The following ARHGEF9 variants were observed in gnomAD, a reference collection of about 807,000 sequenced individuals.
ARHGEF9 encodes the protein rho guanine nucleotide exchange factor 9.
Under a neutral mutation model 41.3 loss-of-function variants are expected in ARHGEF9, and 2 were observed. The observed-to-expected ratio is 0.05, with a 90% CI of 0.02 to 0.15. The LOEUF (loss-of-function observed/expected upper bound fraction) is 0.15. Ranked by LOEUF, ARHGEF9 falls within the 10% of genes least tolerant of loss-of-function variation. The pLI, the probability that ARHGEF9 is intolerant of heterozygous loss-of-function variation, is 1.00. For missense variants in ARHGEF9, 225 were observed against 424.7 expected (o/e 0.53, Z 4.13); for synonymous variants, 160 against 154.4 (o/e 1.04, Z -0.27).
At chrX:63,747,306 T>G (rs1331499958) in intron 1 of ARHGEF9, among the ~76,000 whole-genome samples, 1 of 111,927 alleles carries the variant, frequency 8.9e-6, no homozygotes, top group African/African-American at 3.3e-5. Flanking sequence ...GAACTGACTT[T>G]TTTTTTATTC....
At chrX:63,644,323 A>G (rs2047849858) in intron 8 of ARHGEF9, 1 of 205,568 alleles carries the variant, frequency 4.9e-6, no homozygotes, top group Non-Finnish European at 8.8e-6. Flanking sequence ...GAGTCTGTTA[A>G]TGGAGAATCG....
intron 2 of ARHGEF9, chrX:63,712,950 C>T (rs1483375483): frequency 9.0e-6 from 1 of 111,401 alleles, no homozygotes; most frequent in African/African-American, 3.3e-5. Context: ...GCCCTTGGTA[C>T]AACCTCTTCA....
intron 2 of ARHGEF9, 119 bp from the exon 3 acceptor site, chrX:63,706,568 C>A: frequency 1.1e-6 from 1 of 872,905 alleles, no homozygotes; most frequent in Non-Finnish European, 1.6e-6. Flanking sequence ...CAACCAGAGA[C>A]CTGTGCAAGT....
chrX:63,642,095 T>TAG (rs1340477314), intron 9 of ARHGEF9: 1 of 110,821 alleles, frequency 9.0e-6, no homozygotes, highest in Non-Finnish European at 1.9e-5. Context: ...TATAAACTCA[T>TAG]ATATATATAT....
At chrX:63,782,099 G>C (rs1213095437) in intron 1 of ARHGEF9, among the ~76,000 whole-genome samples, 1 of 111,042 alleles carries the variant, frequency 9.0e-6, no homozygotes, top group Admixed American at 9.6e-5. Context: ...CTGACATAGT[G>C]TATATTCATT....
intron 8 of ARHGEF9, among the ~76,000 whole-genome samples, chrX:63,644,990 G>C (rs1287428819): frequency 1.8e-5 from 2 of 109,140 alleles, no homozygotes; most frequent in Non-Finnish European, 3.8e-5. Flanking sequence ...TACCAGGCTG[G>C]TGTTGAATTC....
chrX:63,707,597 C>A (rs1357703868), intron 2 of ARHGEF9, among the ~76,000 whole-genome samples: 2 of 110,889 alleles, frequency 1.8e-5, no homozygotes, highest in African/African-American at 6.6e-5. Context: ...CCAGTTGTCT[C>A]AACAGGTTTA....
chrX:63,669,548 T>C (rs1602319343), intron 6 of ARHGEF9, among the ~76,000 whole-genome samples: 1 of 111,477 alleles, frequency 9.0e-6, no homozygotes, highest in African/African-American at 3.3e-5. Context: ...CTTCATTTGC[T>C]CCCACTCTCT....
chrX:63,651,404 G>A (rs782744506), intron 8 of ARHGEF9, among the ~76,000 whole-genome samples: 5 of 110,835 alleles, frequency 4.5e-5, no homozygotes, highest in Non-Finnish European at 9.5e-5. Context: ...AGAATAGAAA[G>A]TTTAAAAACA....
intron 1 of ARHGEF9, among the ~76,000 whole-genome samples, chrX:63,749,499 G>A (rs2055481878): frequency 9.0e-6 from 1 of 111,509 alleles, no homozygotes; most frequent in Non-Finnish European, 1.9e-5. Context: ...CCAAAGTGCT[G>A]GGATTACAGG....
At chrX:63,735,542 G>A (rs1284913730) in intron 1 of ARHGEF9, among the ~76,000 whole-genome samples, 1 of 111,754 alleles carries the variant, frequency 8.9e-6, no homozygotes, top group Non-Finnish European at 1.9e-5. Context: ...TGAAGGTAGC[G>A]GGAGGAGCAG....
intron 4 of ARHGEF9, among the ~76,000 whole-genome samples, chrX:63,694,551 C>T (rs1358336771): frequency 8.9e-6 from 1 of 112,115 alleles, no homozygotes; most frequent in African/African-American, 3.2e-5. Flanking sequence ...TATGCAACAG[C>T]ATGGATGGAT....
chrX:63,650,348 TA>T (rs1228857477), intron 8 of ARHGEF9, among the ~76,000 whole-genome samples: 9 of 111,293 alleles, frequency 8.1e-5, no homozygotes, highest in Non-Finnish European at 1.5e-4. Context: ...TATTCAGCCA[TA>T]AAAAAATGAA....
Position 63,643,799 on chromosome X carries a change from T to G in ARHGEF9, c.1390+181A>C, listed in dbSNP as rs192508097. 3.6e-5 allele frequency among the ~76,000 whole-genome samples: 4 copies of G among 111,245 alleles called. No homozygotes were observed. The Admixed American group carries it at 3.8e-4, about 11-fold the overall frequency. Reference sequence around the variant, plus strand: ...CTTTGGATACCAATACCCTATACTATTCACTCCTTAGCCTTAAGCATTTAA... The same window carrying G: ...CTTTGGATACCAATACCCTATACTAGTCACTCCTTAGCCTTAAGCATTTAA... On this transcript the variant is annotated intron_variant, in intron 9 of 9. Coordinates refer to ENST00000671741, the MANE Select transcript of ARHGEF9 (RefSeq NM_001353921.2).
At chrX:63,759,171 T>C (rs1556448572) in intron 1 of ARHGEF9, among the ~76,000 whole-genome samples, 1 of 111,518 alleles carries the variant, frequency 9.0e-6, no homozygotes, top group East Asian at 2.8e-4. Context: ...AAAGTACTTT[T>C]GAGAGATTTC....
chrX:63,717,716 T>C (rs1476374378), intron 2 of ARHGEF9, among the ~76,000 whole-genome samples: 1 of 112,083 alleles, frequency 8.9e-6, no homozygotes, highest in Non-Finnish European at 1.9e-5. Context: ...AGTATTATTA[T>C]TGAGTGTTTC....
chrX:63,721,728 A>G (rs1295984301), intron 2 of ARHGEF9, among the ~76,000 whole-genome samples: 1 of 110,824 alleles, frequency 9.0e-6, no homozygotes, highest in Non-Finnish European at 1.9e-5. Context: ...CCAGCCCAGG[A>G]AAACAGCTGA....
At chrX:63,645,126 A>ATC (rs1556311499) in intron 8 of ARHGEF9, among the ~76,000 whole-genome samples, 1 of 111,074 alleles carries the variant, frequency 9.0e-6, no homozygotes, top group African/African-American at 3.3e-5. Flanking sequence ...AACTGAAGTT[A>ATC]TAAAATATCT....
intron 4 of ARHGEF9, among the ~76,000 whole-genome samples, chrX:63,692,276 C>T (rs2051403249): frequency 8.9e-6 from 1 of 112,024 alleles, no homozygotes; most frequent in African/African-American, 3.2e-5. Flanking sequence ...CAACAACATA[C>T]AGAATGAGAG....
Sources: gnomAD v4.1 joint callset for allele counts (sites outside exome capture counted in the v4.1 genomes callset) on GRCh38, gnomAD v4.1.1 for gene constraint, MANE v1.5 for transcripts, NCBI Gene and HGNC (gene_info 2026-07-23, HGNC 2026-07-21) for gene names.